The following STAU1 variants were observed in gnomAD, a reference collection of about 807,000 sequenced individuals.
STAU1 encodes double-stranded RNA-binding protein Staufen homolog 1.
A neutral mutation model predicts 62.9 loss-of-function variants in STAU1; 13 were observed. That is an observed-to-expected ratio of 0.21 (90% CI 0.13 to 0.33). STAU1 has a LOEUF of 0.33. STAU1 is among the 10% of genes least tolerant of loss of function. STAU1 has a pLI of 1.00. For missense variants in STAU1, 571 were observed against 712.1 expected (o/e 0.80, Z 2.25); for synonymous variants, 269 against 265.1 (o/e 1.01, Z -0.14).
At chr20:49,206,162 T>C in the STAU1 span, among the ~76,000 whole-genome samples, 1 of 150,608 alleles carries the variant, frequency 6.6e-6, no homozygotes, top group Non-Finnish European at 1.5e-5. Context: ...TTTTTTTTTT[T>C]TTTGTATTTT....
chr20:49,208,475 T>A, the STAU1 span, among the ~76,000 whole-genome samples: 1 of 152,052 alleles, frequency 6.6e-6, no homozygotes, highest in Non-Finnish European at 1.5e-5. Context: ...AGTGCTGGGA[T>A]TACAGGCGTG....
the STAU1 span, among the ~76,000 whole-genome samples, chr20:49,209,891 A>G: frequency 6.6e-6 from 1 of 151,938 alleles, no homozygotes; most frequent in Non-Finnish European, 1.5e-5. Flanking sequence ...TACTAAAAAT[A>G]CAAAAAAATT....
intron 1 of STAU1, among the ~76,000 whole-genome samples, chr20:49,186,888 C>A (rs2093794381): frequency 6.6e-6 from 1 of 151,898 alleles, no homozygotes; most frequent in Non-Finnish European, 1.5e-5. Flanking sequence ...TCCACACAGC[C>A]GAAGAACAGT....
intron 2 of STAU1, among the ~76,000 whole-genome samples, chr20:49,172,772 CCT>C (rs1171791880): frequency 6.6e-6 from 1 of 152,164 alleles, no homozygotes; most frequent in African/African-American, 2.4e-5. Context: ...AATCCACTCC[CCT>C]GTGCCTCAGT....
chr20:49,153,788 C>T, intron 4 of STAU1, 145 bp downstream of exon 4: 3 of 618,734 alleles, frequency 4.8e-6, no homozygotes, highest in Non-Finnish European at 4.8e-6. Context: ...CACAAAGGCA[C>T]AAGAGTAATT....
chr20:49,165,954 A>G (rs537111877), intron 3 of STAU1, 43 bp downstream of exon 3: 1 of 1,600,844 alleles, frequency 6.2e-7, no homozygotes, highest in African/African-American at 1.3e-5. Flanking sequence ...AAACAGGGTA[A>G]GAAAACATTT....
chr20:49,146,277 T>C (rs2093130139), intron 5 of STAU1, among the ~76,000 whole-genome samples: 2 of 151,820 alleles, frequency 1.3e-5, no homozygotes, highest in South Asian at 4.2e-4. Context: ...AGAAAATAAA[T>C]AAATAAACAA....
chr20:49,161,591 A>C (rs1761065680), intron 3 of STAU1, among the ~76,000 whole-genome samples: 1 of 152,322 alleles, frequency 6.6e-6, no homozygotes, highest in South Asian at 2.1e-4. Context: ...TGCTCACACA[A>C]AAGCCTATAC....
intron 6 of STAU1, among the ~76,000 whole-genome samples, chr20:49,131,619 G>A (rs1428391958): frequency 6.6e-6 from 1 of 152,132 alleles, no homozygotes; most frequent in Non-Finnish European, 1.5e-5. Flanking sequence ...AAGGCAGGCA[G>A]ATCGCTTGAG....
At chr20:49,175,078 C>T (rs2093642729) in intron 1 of STAU1, among the ~76,000 whole-genome samples, 1 of 152,144 alleles carries the variant, frequency 6.6e-6, no homozygotes, top group Non-Finnish European at 1.5e-5. Flanking sequence ...ATCGCTTGAA[C>T]CTGGGAGGTG....
chr20:49,133,097 G>T (rs1317491538), intron 6 of STAU1, among the ~76,000 whole-genome samples: 2 of 152,162 alleles, frequency 1.3e-5, no homozygotes, highest in South Asian at 2.1e-4. Context: ...AGATCACCAC[G>T]AGAGGGCACT....
At chr20:49,154,096 C>A (rs1204893255) in intron 3 of STAU1, 25 bp from the exon 4 acceptor site, 2 of 1,580,944 alleles carry the variant, frequency 1.3e-6, no homozygotes, top group Admixed American at 2.0e-5. Context: ...CGACAAAGAA[C>A]TGTTTTTTTC....
chr20:49,206,841 C>T, the STAU1 span, among the ~76,000 whole-genome samples: 179 of 149,022 alleles, frequency 1.2e-3, no homozygotes, highest in Non-Finnish European at 2.0e-3. Flanking sequence ...CTGAAATATT[C>T]ACCTCCCGGG....
At chr20:49,131,354 G>A (rs2092744217) in intron 6 of STAU1, among the ~76,000 whole-genome samples, 1 of 152,160 alleles carries the variant, frequency 6.6e-6, no homozygotes, top group South Asian at 2.1e-4. Flanking sequence ...GTGAATGTAG[G>A]ATGTGTATTA....
Position 49,126,588 on chromosome 20 carries a change from C to CAAAAAAAAAAACAAAAAAAAAACA in STAU1, c.610-2002_610-2001insTGTTTTTTTTTTGTTTTTTTTTTT. On this transcript the variant is annotated intron_variant, in intron 6 of 13. Transcript: ENST00000371856. Reference sequence around the variant, plus strand: ...GTCTCAAAAAGCAAAAAAAAAAAAACAAAAAAAAAACAAAAAAACTTAAAA... The same window carrying CAAAAAAAAAAACAAAAAAAAAACA: ...GTCTCAAAAAGCAAAAAAAAAAAAACAAAAAAAAAAACAAAAAAAAAACAAAAAAAAAAACAAAAAAACTTAAAA... 1.2e-3 allele frequency among the ~76,000 whole-genome samples: 67 copies of CAAAAAAAAAAACAAAAAAAAAACA among 56,338 alleles called. 2 individuals carry two copies. Among genetic ancestry groups the CAAAAAAAAAAACAAAAAAAAAACA allele is most frequent in the African/African-American group, 3.3e-3 (52 of 15,742 alleles). 37.0% of individuals were successfully genotyped at this position (56,338 alleles called of 152,430 possible).
chr20:49,125,195 T>C (rs2092571333), intron 6 of STAU1, among the ~76,000 whole-genome samples: 1 of 64,940 alleles, frequency 1.5e-5, no homozygotes, highest in Non-Finnish European at 3.7e-5. Flanking sequence ...AAGCTCATTT[T>C]TGCAAAAAAA....
chr20:49,204,640 A>ATT, the STAU1 span, among the ~76,000 whole-genome samples: 1 of 53,536 alleles, frequency 1.9e-5, no homozygotes, highest in African/African-American at 9.0e-5. Context: ...ATATATATAT[A>ATT]TATATATTTT....
At chr20:49,158,653 T>C (rs1416068266) in intron 3 of STAU1, among the ~76,000 whole-genome samples, 1 of 151,918 alleles carries the variant, frequency 6.6e-6, no homozygotes, top group African/African-American at 2.4e-5. Context: ...CTACTAAAAA[T>C]GCAAAAATTA....
the STAU1 span, among the ~76,000 whole-genome samples, chr20:49,217,702 C>T: frequency 2.5e-5 from 3 of 118,914 alleles, no homozygotes; most frequent in East Asian, 7.7e-4. Context: ...TATTTTTAGG[C>T]CAGGCGCAGT....
Sources: gnomAD v4.1 joint callset for allele counts (sites outside exome capture counted in the v4.1 genomes callset) on GRCh38, gnomAD v4.1.1 for gene constraint, MANE v1.5 for transcripts, NCBI Gene and HGNC (gene_info 2026-07-23, HGNC 2026-07-21) for gene names.